The following GRID1 variants were observed in gnomAD, a reference collection of about 807,000 sequenced individuals.
GRID1 encodes the protein glutamate ionotropic receptor delta type subunit 1.
A neutral mutation model predicts 98.0 loss-of-function variants in GRID1; 28 were observed. That is an observed-to-expected ratio of 0.29 (90% CI 0.21 to 0.39). The LOEUF (loss-of-function observed/expected upper bound fraction) is 0.39. GRID1 is among the 10% of genes least tolerant of loss of function. The probability of loss-of-function intolerance (pLI) is 1.00; values close to 1 mark genes in which losing one functional copy is unlikely to be tolerated. For synonymous variants in GRID1, 553 were observed against 538.5 expected, an observed-to-expected ratio of 1.03 and a Z score of -0.37; for missense variants, 1,111 against 1,340.5, an observed-to-expected ratio of 0.83 and a Z score of 2.67.
At chr10:85,604,342 C>T (rs1842625537) in intron 15 of GRID1, among the ~76,000 whole-genome samples, 1 of 152,150 alleles carries the variant, frequency 6.6e-6, no homozygotes, top group Admixed American at 6.5e-5. Context: ...CATTCCAGGG[C>T]AGGAGGAAAT....
At chr10:85,654,763 G>C (rs1383922995) in intron 12 of GRID1, among the ~76,000 whole-genome samples, 1 of 152,212 alleles carries the variant, frequency 6.6e-6, no homozygotes, top group East Asian at 1.9e-4. Context: ...CAGTACTGAG[G>C]CTCCCACACC....
intron 12 of GRID1, among the ~76,000 whole-genome samples, chr10:85,662,339 T>A (rs1445199710): frequency 6.6e-6 from 1 of 152,112 alleles, no homozygotes; most frequent in East Asian, 1.9e-4. Flanking sequence ...GCTGGAAAAG[T>A]AAAAGCAAAA....
At chr10:85,999,296 A>G (rs1428968169) in intron 4 of GRID1, among the ~76,000 whole-genome samples, 3 of 125,532 alleles carry the variant, frequency 2.4e-5, no homozygotes, top group African/African-American at 8.8e-5. Context: ...GAGTACTCCT[A>G]TAAGTATTAA....
Position 85,647,188 on chromosome 10 carries a change from C to T in GRID1, c.2193+14G>A. 6.2e-7 allele frequency: 1 copy of T among 1,612,252 alleles called. No homozygotes were observed. Among genetic ancestry groups the T allele is most frequent in the Non-Finnish European group, 8.5e-7 (1 of 1,178,382 alleles). On this transcript the variant is annotated intron_variant, in intron 13 of 15. Coordinates refer to ENST00000327946, the MANE Select transcript of GRID1 (RefSeq NM_017551.3). ...TGTTACAGTGCACGTGCCCAAGCGC[C>T]AGCTCCTGCCTACCTTCCTGATGCC...
At chr10:85,702,370 C>G (rs1487067495) in intron 12 of GRID1, among the ~76,000 whole-genome samples, 1 of 151,856 alleles carries the variant, frequency 6.6e-6, no homozygotes, top group Admixed American at 6.6e-5. Flanking sequence ...CCAAGGAACT[C>G]CCCAGAATGA....
chr10:86,142,769 C>A (rs1414997331), intron 3 of GRID1, among the ~76,000 whole-genome samples: 1 of 152,236 alleles, frequency 6.6e-6, no homozygotes, highest in Non-Finnish European at 1.5e-5. Context: ...CCCCAGGGAC[C>A]TTATGCCTCA....
At chr10:86,349,626 G>A (rs1848436119) in intron 2 of GRID1, among the ~76,000 whole-genome samples, 1 of 152,236 alleles carries the variant, frequency 6.6e-6, no homozygotes, top group African/African-American at 2.4e-5. Flanking sequence ...AAGCTGACCA[G>A]GAGGGAAGGG....
intron 4 of GRID1, among the ~76,000 whole-genome samples, chr10:86,042,990 T>C (rs571410485): frequency 6.6e-6 from 1 of 151,726 alleles, no homozygotes; most frequent in Admixed American, 6.6e-5. Flanking sequence ...GAGGCTGAGG[T>C]GGAAGGATCC....
At chr10:86,124,283 G>A (rs1367212087) in intron 4 of GRID1, among the ~76,000 whole-genome samples, 2 of 152,092 alleles carry the variant, frequency 1.3e-5, no homozygotes, top group Non-Finnish European at 2.9e-5. Context: ...AAAGCCCCCA[G>A]TGCTTTGATC....
At chr10:86,035,526 C>T (rs1316441264) in intron 4 of GRID1, among the ~76,000 whole-genome samples, 1 of 152,216 alleles carries the variant, frequency 6.6e-6, no homozygotes, top group Non-Finnish European at 1.5e-5. Context: ...GCACTGGCCA[C>T]ACAAGCACCA....
Position 86,138,961 on chromosome 10 carries a change from T to C in GRID1, c.584A>G (p.Gln195Arg). The change falls in exon 4 of 16, where the codon CAA becomes CGA. Residue 195 changes from glutamine (Q) to arginine (R), a missense_variant. Physicochemically the swap from Gln to Arg is conservative, Grantham distance 43. Around this residue, in one of 3 missense-constraint regions of GRID1, gnomAD observed 346 missense variants for 452.3 expected, o/e 0.76. Coordinates refer to ENST00000327946, the MANE Select transcript of GRID1 (RefSeq NM_017551.3). ...GTGGCTAATGTTCTTGTCCACCTTT[T>C]GTAAAGAGACGTCAAGGCCCAGCCG... ...ASRLGLDVSL[Q>R]KVDKNISHVF... 6.2e-7 allele frequency: 1 copy of C among 1,614,172 alleles called. No individual in the cohort carries two copies.
At chr10:85,619,223 C>T (rs929133854) in intron 14 of GRID1, among the ~76,000 whole-genome samples, 3 of 152,192 alleles carry the variant, frequency 2.0e-5, no homozygotes, top group African/African-American at 7.2e-5. Flanking sequence ...TACCCATGCC[C>T]CACTTCCACC....
intron 5 of GRID1, among the ~76,000 whole-genome samples, chr10:85,903,542 A>C (rs2131817081): frequency 6.6e-6 from 1 of 152,216 alleles, no homozygotes; most frequent in African/African-American, 2.4e-5. Context: ...ACTTACTCTT[A>C]AGGCAGCTAC....
intron 2 of GRID1, among the ~76,000 whole-genome samples, chr10:86,317,764 A>G (rs1847919159): frequency 1.3e-5 from 2 of 151,994 alleles, no homozygotes; most frequent in Non-Finnish European, 2.9e-5. Flanking sequence ...ATTTTTAGAC[A>G]TGGTCGCACT....
intron 4 of GRID1, among the ~76,000 whole-genome samples, chr10:86,105,471 C>T (rs1419238736): frequency 6.6e-6 from 1 of 152,224 alleles, no homozygotes; most frequent in African/African-American, 2.4e-5. Context: ...ACTGGCTGTT[C>T]TTGCCTCCTG....
chr10:86,064,516 G>A (rs1843693446), intron 4 of GRID1, among the ~76,000 whole-genome samples: 1 of 152,224 alleles, frequency 6.6e-6, no homozygotes, highest in Non-Finnish European at 1.5e-5. Context: ...CTGCCTCAGT[G>A]TGCTGGGCCA....
chr10:85,878,010 A>C (rs1840926173), intron 5 of GRID1, among the ~76,000 whole-genome samples: 1 of 152,254 alleles, frequency 6.6e-6, no homozygotes, highest in South Asian at 2.1e-4. Context: ...GACTGGAAGA[A>C]AGGGTATCAG....
intron 12 of GRID1, among the ~76,000 whole-genome samples, chr10:85,702,735 G>C (rs1296885407): frequency 6.6e-6 from 1 of 151,286 alleles, no homozygotes; most frequent in East Asian, 1.9e-4. Flanking sequence ...AGAACAAAAA[G>C]AGAAGAAGAA....
chr10:85,615,452 G>A (rs140704404), intron 14 of GRID1, among the ~76,000 whole-genome samples: 48 of 152,314 alleles, frequency 3.2e-4, no homozygotes, highest in African/African-American at 9.6e-4. Flanking sequence ...AAGGCTGTCT[G>A]TTGTGTCAAT....
Sources: gnomAD v4.1 joint callset for allele counts (sites outside exome capture counted in the v4.1 genomes callset) on GRCh38, gnomAD v4.1.1 for gene constraint, gnomAD v4.1.1 regional missense constraint, MANE v1.5 for transcripts, NCBI Gene and HGNC (gene_info 2026-07-23, HGNC 2026-07-21) for gene names.